GALNT13: variants seen among roughly 807,000 people sequenced by gnomAD.
The protein encoded by GALNT13 is UDP-GalNAc:polypeptide N-acetylgalactosaminyltransferase 13.
In GALNT13, 28 loss-of-function variants were observed where a neutral mutation model predicts 64.2. The observed-to-expected ratio is 0.44, with a 90% CI of 0.32 to 0.60. The LOEUF (loss-of-function observed/expected upper bound fraction) is 0.60, where lower values mean the gene tolerates loss of function less well. Ranked by LOEUF, GALNT13 falls within the 20% of genes least tolerant of loss-of-function variation. The pLI, the probability that GALNT13 is intolerant of heterozygous loss-of-function variation, is 0.05. For synonymous variants in GALNT13, 214 were observed against 224.6 expected (o/e 0.95, Z 0.42); for missense variants, 577 against 669.8 (o/e 0.86, Z 1.53).
the GALNT13 span, among the ~76,000 whole-genome samples, chr2:153,557,506 A>G: frequency 6.6e-6 from 1 of 152,172 alleles, no homozygotes; most frequent in Admixed American, 6.5e-5. Context: ...ACAGCTGAAC[A>G]CATCTCAACC....
the GALNT13 span, among the ~76,000 whole-genome samples, chr2:153,494,074 C>CAAA: frequency 6.9e-6 from 1 of 144,598 alleles, no homozygotes; most frequent in East Asian, 2.0e-4. Flanking sequence ...ATAATTTTAG[C>CAAA]AAAAAAAAAA....
At chr2:153,367,530 T>C in the GALNT13 span, among the ~76,000 whole-genome samples, 4 of 152,060 alleles carry the variant, frequency 2.6e-5, no homozygotes, top group Non-Finnish European at 4.4e-5. Context: ...ATGAAGCCAA[T>C]ATAATCAAAG....
chr2:154,345,935 C>A (rs953015194), intron 9 of GALNT13, among the ~76,000 whole-genome samples: 4 of 152,046 alleles, frequency 2.6e-5, no homozygotes, highest in Admixed American at 6.6e-5. Flanking sequence ...TCTACTGCAT[C>A]CAAATTATAC....
the GALNT13 span, among the ~76,000 whole-genome samples, chr2:153,530,884 C>G: frequency 1.3e-5 from 2 of 152,194 alleles, no homozygotes; most frequent in Non-Finnish European, 1.5e-5. Context: ...ATACAAAAAT[C>G]AAATAAAAAT....
chr2:154,148,040 G>A (rs915533591), intron 4 of GALNT13, among the ~76,000 whole-genome samples: 6 of 151,870 alleles, frequency 4.0e-5, no homozygotes, highest in African/African-American at 1.2e-4. Context: ...TTAACGTTAG[G>A]TATATCTCCT....
chr2:153,345,628 C>CTTTCTCTTTCTCT, the GALNT13 span, among the ~76,000 whole-genome samples: 3 of 109,040 alleles, frequency 2.8e-5, no homozygotes, highest in Non-Finnish European at 6.5e-5. Context: ...CTTTTCTTTT[C>CTTTCTCTTTCTCT]CTTTCTTTTT....
At chr2:153,856,280 G>T in the GALNT13 span, among the ~76,000 whole-genome samples, 1 of 152,092 alleles carries the variant, frequency 6.6e-6, no homozygotes, top group African/African-American at 2.4e-5. Flanking sequence ...ATGACTGGTA[G>T]GTAGGCAGGT....
At chr2:153,374,825 C>G in the GALNT13 span, among the ~76,000 whole-genome samples, 1 of 152,198 alleles carries the variant, frequency 6.6e-6, no homozygotes, top group Non-Finnish European at 1.5e-5. Context: ...ACACATTTCT[C>G]TCTCTGTGTC....
intron 3 of GALNT13, among the ~76,000 whole-genome samples, chr2:153,986,769 GA>G (rs1223526025): frequency 6.6e-6 from 1 of 151,936 alleles, no homozygotes; most frequent in East Asian, 1.9e-4. Flanking sequence ...CAAAGTGGAT[GA>G]AGGGGAGAAT....
At chr2:154,070,650 G>A (rs1574448601) in intron 3 of GALNT13, among the ~76,000 whole-genome samples, 2 of 152,136 alleles carry the variant, frequency 1.3e-5, no homozygotes, top group Non-Finnish European at 2.9e-5. Flanking sequence ...AGGTGCAGTG[G>A]CTCACACCTT....
At chr2:153,512,449 G>A in the GALNT13 span, among the ~76,000 whole-genome samples, 1 of 152,160 alleles carries the variant, frequency 6.6e-6, no homozygotes, top group Non-Finnish European at 1.5e-5. Flanking sequence ...AGCAGTATTT[G>A]TAAATTCATT....
chr2:154,176,517 G>T (rs1362434572), intron 4 of GALNT13, among the ~76,000 whole-genome samples: 1 of 151,918 alleles, frequency 6.6e-6, no homozygotes, highest in African/African-American at 2.4e-5. Context: ...CTCCCAAAGT[G>T]CTGGGATTAC....
At chr2:154,381,272 C>G (rs762616293) in intron 9 of GALNT13, among the ~76,000 whole-genome samples, 1 of 151,904 alleles carries the variant, frequency 6.6e-6, no homozygotes, top group Non-Finnish European at 1.5e-5. Flanking sequence ...AACAATTAAA[C>G]CAGGAGGCAC....
the GALNT13 span, among the ~76,000 whole-genome samples, chr2:153,437,015 G>A: frequency 6.6e-6 from 1 of 151,944 alleles, no homozygotes. Context: ...CAGAGATTCT[G>A]GTATGTTGTG....
At chr2:154,200,242 G>C (rs1236670613) in intron 4 of GALNT13, among the ~76,000 whole-genome samples, 4 of 151,840 alleles carry the variant, frequency 2.6e-5, no homozygotes, top group Non-Finnish European at 5.9e-5. Context: ...CTTATGTAAT[G>C]CATAATTTTT....
chr2:153,519,488 G>T, the GALNT13 span, among the ~76,000 whole-genome samples: 1 of 152,116 alleles, frequency 6.6e-6, no homozygotes, highest in Non-Finnish European at 1.5e-5. Context: ...CTGGTCAGAA[G>T]CATTGTCTTT....
chr2:154,368,718 A>C (rs1255676337), intron 9 of GALNT13, among the ~76,000 whole-genome samples: 2 of 152,170 alleles, frequency 1.3e-5, no homozygotes, highest in Non-Finnish European at 2.9e-5. Context: ...TAACATCTGC[A>C]TCATACAGTT....
At chr2:153,324,640 T>C in the GALNT13 span, among the ~76,000 whole-genome samples, 3 of 152,238 alleles carry the variant, frequency 2.0e-5, no homozygotes, top group African/African-American at 7.2e-5. Flanking sequence ...GCTCTTATTA[T>C]TTTGAGATAT....
At chr2:153,925,201 A>G (rs1017085752) in intron 2 of GALNT13, among the ~76,000 whole-genome samples, 4 of 151,778 alleles carry the variant, frequency 2.6e-5, no homozygotes, top group Non-Finnish European at 5.9e-5. Flanking sequence ...GTATTCACAT[A>G]TTTAATCCAT....
Sources: allele counts gnomAD v4.1 joint callset (sites outside exome capture counted in the v4.1 genomes callset), GRCh38; gene constraint gnomAD v4.1.1; transcripts MANE v1.5; gene names NCBI Gene and HGNC (gene_info 2026-07-23, HGNC 2026-07-21).